Variants in NOX3 observed in about 807,000 individuals in gnomAD.
NOX3 encodes the protein NADPH oxidase 3, also known as NADPH oxidase catalytic subunit-like 3.
In NOX3, 74 loss-of-function variants were observed where a neutral mutation model predicts 76.7. The ratio of observed to expected loss-of-function variants is 0.96; its 90% CI spans 0.80 to 1.17. The LOEUF (loss-of-function observed/expected upper bound fraction) is 1.17, where lower values mean the gene tolerates loss of function less well. Among genes scored for constraint, NOX3 ranks in the 50% most tolerant of loss-of-function variants. The probability of loss-of-function intolerance (pLI) is 0.00; values close to 1 mark genes in which losing one functional copy is unlikely to be tolerated. For synonymous variants in NOX3, 263 were observed against 261.1 expected (o/e 1.01, Z -0.07); for missense variants, 695 against 703.3 (o/e 0.99, Z 0.13).
intron 12 of NOX3, among the ~76,000 whole-genome samples, chr6:155,405,680 T>C (rs117388473): frequency 6.6e-6 from 1 of 152,246 alleles, no homozygotes; most frequent in Non-Finnish European, 1.5e-5. Flanking sequence ...CTCTATTGAA[T>C]AGCTTGGGTC....
chr6:155,437,970 T>G (rs1228254457), intron 6 of NOX3, among the ~76,000 whole-genome samples: 1 of 152,222 alleles, frequency 6.6e-6, no homozygotes, highest in East Asian at 1.9e-4. Context: ...GCTTTTCAAC[T>G]AGGTTAAAAT....
chr6:155,444,153 T>C (rs1014354699), intron 4 of NOX3, among the ~76,000 whole-genome samples: 1 of 152,248 alleles, frequency 6.6e-6, no homozygotes, highest in Admixed American at 6.5e-5. Context: ...CATTTTAGTA[T>C]ACAGTAGTCC....
At chr6:155,414,445 C>G (rs1395393970) in intron 10 of NOX3, among the ~76,000 whole-genome samples, 1 of 151,996 alleles carries the variant, frequency 6.6e-6, no homozygotes, top group Non-Finnish European at 1.5e-5. Context: ...AGAAAGCATG[C>G]CTTTTCAGAA....
chr6:155,427,738 T>C (rs917270635), intron 9 of NOX3, among the ~76,000 whole-genome samples: 1 of 152,242 alleles, frequency 6.6e-6, no homozygotes, highest in South Asian at 2.1e-4. Flanking sequence ...TCCCTGTTCT[T>C]CCAGAGCCCC....
intron 4 of NOX3, among the ~76,000 whole-genome samples, chr6:155,449,294 CGACTCT>C (rs1405708106): frequency 6.6e-6 from 1 of 152,078 alleles, no homozygotes; most frequent in Non-Finnish European, 1.5e-5. Context: ...AGCAAGCTGC[CGACTCT>C]GCCAGGGAGA....
At chr6:155,447,065 A>G (rs1245740970) in intron 4 of NOX3, among the ~76,000 whole-genome samples, 2 of 139,726 alleles carry the variant, frequency 1.4e-5, no homozygotes, top group Non-Finnish European at 3.1e-5. Context: ...TTTTTTTTTG[A>G]GACAGAGTCT....
chr6:155,431,873 C>T (rs1438589414), intron 7 of NOX3, among the ~76,000 whole-genome samples: 1 of 152,146 alleles, frequency 6.6e-6, no homozygotes, highest in Admixed American at 6.5e-5. Flanking sequence ...CCTGACTACC[C>T]AGCCTGAGTT....
At position 155,453,465 on chromosome 6, in the gene NOX3, C is replaced by T. The variant is rs771737446; in HGVS notation, c.279G>A (p.Arg93=). 10 of 1,613,736 alleles carry T rather than the reference C, an allele frequency of 6.2e-6. No individual in the cohort carries two copies. The highest frequency in any genetic ancestry group is 3.3e-5 in the South Asian group (3 of 91,070). ...GAAATCTGAGGTTTTTGTCTAATTG[C>T]CTCCTCCACGGTCCTCTGCAGCACT... ...TSICCRGPWR[R]QLDKNLRFHK... is the part of the protein sequence containing the mutation. The change falls in exon 4 of 14, where the codon AGG becomes AGA. Residue 93 remains arginine (R), a synonymous_variant. Coordinates refer to ENST00000159060, the MANE Select transcript of NOX3 (RefSeq NM_015718.3).
chr6:155,422,645 C>A, intron 10 of NOX3, 49 bp downstream of exon 10: 1 of 1,570,116 alleles, frequency 6.4e-7, no homozygotes, highest in Non-Finnish European at 8.7e-7. Context: ...GATATAAGGA[C>A]ATTGAACCTT....
chr6:155,430,728 G>A (rs969365079), intron 8 of NOX3, 115 bp downstream of exon 8: 5 of 644,796 alleles, frequency 7.8e-6, no homozygotes, highest in Non-Finnish European at 1.1e-5. Flanking sequence ...AACAGAAGAT[G>A]AGCCTCTAAA....
rs560378920 is a variant in NOX3, at chr6:155,452,569, C to T, written c.340+835G>A. Among the ~76,000 whole-genome samples the T allele has an allele frequency of 5.9e-5, 9 of 152,178 alleles. No homozygotes were observed. The East Asian group carries it at 7.7e-4, about 13-fold the overall frequency. On this transcript the variant is annotated intron_variant, in intron 4 of 13. Transcript: ENST00000159060. The stretch of plus-strand genomic sequence containing the variant: ...CCCCAAAGTTGTGTTAATTGGCACT[C>T]GGGCACCGTCTGTCATGTCTTGTTG...
intron 11 of NOX3, among the ~76,000 whole-genome samples, chr6:155,411,008 T>C (rs1169189028): frequency 6.6e-6 from 1 of 152,248 alleles, no homozygotes; most frequent in Middle Eastern, 3.2e-3. Context: ...GCAAGTTAAC[T>C]GTAGCTTCTT....
chr6:155,399,060 T>G (rs1260135317), intron 12 of NOX3, among the ~76,000 whole-genome samples: 3 of 152,166 alleles, frequency 2.0e-5, no homozygotes, highest in African/African-American at 7.2e-5. Context: ...CAGCACTAGA[T>G]TTTTGAGCTC....
At position 155,455,727 on chromosome 6, in the gene NOX3, A is replaced by G. The variant is rs1411766224; in HGVS notation, c.48+26T>C. On this transcript the variant is annotated intron_variant, in intron 1 of 13. Coordinates refer to ENST00000159060, the MANE Select transcript of NOX3 (RefSeq NM_015718.3). ...AAGACTATTCAATCTATATATTTAAAGTTGAATAACAAAAATGATACTTAC... is the reference window on the plus strand; with the variant it reads ...AAGACTATTCAATCTATATATTTAAGGTTGAATAACAAAAATGATACTTAC... 2.5e-6 allele frequency: 4 copies of G among 1,569,798 alleles called. No individual in the cohort carries two copies. The South Asian group carries it at 4.4e-5, about 17-fold the overall frequency.
chr6:155,426,756 C>A (rs374857249), intron 9 of NOX3, among the ~76,000 whole-genome samples: 2 of 152,012 alleles, frequency 1.3e-5, no homozygotes, highest in Non-Finnish European at 2.9e-5. Context: ...TTGCAGCTGG[C>A]GATGCACTCC....
At chr6:155,407,037 T>C in intron 12 of NOX3, 93 bp downstream of exon 12, 2 of 1,359,802 alleles carry the variant, frequency 1.5e-6, no homozygotes, top group East Asian at 4.6e-5. Context: ...CTAATGGAGA[T>C]ATACGGTACT....
chr6:155,424,647 T>C (rs148917408), intron 9 of NOX3, among the ~76,000 whole-genome samples: 2 of 152,266 alleles, frequency 1.3e-5, no homozygotes, highest in East Asian at 3.9e-4. Flanking sequence ...CTCAAGTTAA[T>C]CTTAATTAAT....
intron 13 of NOX3, among the ~76,000 whole-genome samples, chr6:155,395,841 G>A (rs1172773274): frequency 1.3e-5 from 2 of 151,948 alleles, no homozygotes; most frequent in Non-Finnish European, 2.9e-5. Context: ...AAGTTGAGTA[G>A]GAGTATAAGT....
At chr6:155,442,113 A>C (rs1372195969) in intron 5 of NOX3, among the ~76,000 whole-genome samples, 1 of 152,046 alleles carries the variant, frequency 6.6e-6, no homozygotes, top group Non-Finnish European at 1.5e-5. Flanking sequence ...AAATAACAAA[A>C]ATTAGCTGGG....
Sources: gnomAD v4.1 joint callset for allele counts (sites outside exome capture counted in the v4.1 genomes callset) on GRCh38, gnomAD v4.1.1 for gene constraint, MANE v1.5 for transcripts, NCBI Gene and HGNC (gene_info 2026-07-23, HGNC 2026-07-21) for gene names.